AP1G1: variants seen among roughly 807,000 people sequenced by gnomAD.
AP1G1 encodes the protein adaptor related protein complex 1 subunit gamma 1.
Under a neutral mutation model 108.3 loss-of-function variants are expected in AP1G1, and 7 were observed. The ratio of observed to expected loss-of-function variants is 0.06; its 90% CI spans 0.04 to 0.12. AP1G1 has a LOEUF of 0.12. Ranked by LOEUF, AP1G1 falls within the 10% of genes least tolerant of loss-of-function variation. The probability of loss-of-function intolerance (pLI) is 1.00; values close to 1 mark genes in which losing one functional copy is unlikely to be tolerated. For synonymous variants in AP1G1, 379 were observed against 353.5 expected (o/e 1.07, Z -0.81); for missense variants, 756 against 1,010.7 (o/e 0.75, Z 3.42).
At chr16:71,743,605 A>AT (rs2029988456) in intron 19 of AP1G1, 1 of 66,424 alleles carries the variant, frequency 1.5e-5, no homozygotes, top group African/African-American at 4.6e-5. Context: ...TCTGTCTCAA[A>AT]AAAAAAAAAA....
intron 2 of AP1G1, among the ~76,000 whole-genome samples, chr16:71,779,995 GTT>G (rs573581952): frequency 5.4e-5 from 7 of 129,612 alleles, no homozygotes; most frequent in Non-Finnish European, 6.6e-5. Context: ...GTTTTTTTTT[GTT>G]TTTTTTTTTT....
At chr16:71,759,019 G>C (rs2030944329) in intron 10 of AP1G1, 98 bp from the exon 11 acceptor site, 1 of 672,172 alleles carries the variant, frequency 1.5e-6, no homozygotes. Context: ...TAATGGATAA[G>C]AGAAAGCATA....
At chr16:71,802,942 C>T (rs141861207) in intron 1 of AP1G1, among the ~76,000 whole-genome samples, 2 of 152,102 alleles carry the variant, frequency 1.3e-5, no homozygotes, top group East Asian at 1.9e-4. Context: ...TAGCCAGGCT[C>T]GGTGGCTCAC....
At chr16:71,761,445 G>A in intron 10 of AP1G1, 67 bp downstream of exon 10, 1 of 1,117,880 alleles carries the variant, frequency 8.9e-7, no homozygotes, top group Non-Finnish European at 1.4e-6. Context: ...ATGATCTTGA[G>A]CAGAATCGCT....
At chr16:71,751,484 A>C (rs1367974875) in intron 13 of AP1G1, 1 of 151,914 alleles carries the variant, frequency 6.6e-6, no homozygotes, top group African/African-American at 2.4e-5. Flanking sequence ...AAAAAAAAAA[A>C]AACAGCCAGG....
rs541877858 is a variant in AP1G1, at chr16:71,800,228, G to A, written c.-4+8535C>T. Among the ~76,000 whole-genome samples, 18 of 150,618 alleles carry A rather than the reference G, an allele frequency of 1.2e-4. No individual in the cohort carries two copies. The East Asian group carries it at 2.6e-3, about 22-fold the overall frequency. On this transcript the variant is annotated intron_variant, in intron 1 of 22. Transcript: ENST00000299980. ...AAAAAAAAATACAAAAAAATTAGCC[G>A]GGTGTGGTGGTGGGCGCCTGTAGTC...
chr16:71,794,383 G>A (rs1004698416), intron 1 of AP1G1, among the ~76,000 whole-genome samples: 1 of 151,754 alleles, frequency 6.6e-6, no homozygotes, highest in African/African-American at 2.4e-5. Flanking sequence ...TCTTTGTCCT[G>A]TTTTTTTAAA....
chr16:71,778,536 A>G (rs558890440), intron 2 of AP1G1, among the ~76,000 whole-genome samples: 178 of 152,220 alleles, frequency 1.2e-3, no homozygotes, highest in Middle Eastern at 3.4e-3. Flanking sequence ...ACAAAAAATT[A>G]GCCAGGCGTA....
At chr16:71,771,532 AT>A (rs1172441147) in intron 4 of AP1G1, among the ~76,000 whole-genome samples, 1 of 152,168 alleles carries the variant, frequency 6.6e-6, no homozygotes, top group Non-Finnish European at 1.5e-5. Context: ...TTTAAAAAAA[AT>A]TAAGAGGAGA....
intron 9 of AP1G1, among the ~76,000 whole-genome samples, chr16:71,762,962 A>T (rs979243657): frequency 4.6e-5 from 7 of 152,282 alleles, no homozygotes; most frequent in Admixed American, 3.9e-4. Flanking sequence ...GGGATGTGAC[A>T]CCTTATCTCC....
At chr16:71,798,488 T>G (rs55864860) in intron 1 of AP1G1, among the ~76,000 whole-genome samples, 1 of 151,646 alleles carries the variant, frequency 6.6e-6, no homozygotes, top group Non-Finnish European at 1.5e-5. Context: ...CATGAGCCAC[T>G]GCACCCAGCT....
intron 1 of AP1G1, among the ~76,000 whole-genome samples, chr16:71,793,620 C>G (rs2032479755): frequency 6.6e-6 from 1 of 152,186 alleles, no homozygotes; most frequent in Non-Finnish European, 1.5e-5. Context: ...AAGTAGCCAA[C>G]TCCCACTAAG....
At chr16:71,808,609 G>A (rs974289744) in intron 1 of AP1G1, 154 bp downstream of exon 1, 64 of 1,289,468 alleles carry the variant, frequency 5.0e-5, no homozygotes, top group Middle Eastern at 2.1e-4. Flanking sequence ...TGGGGCTCCC[G>A]GCCTCTCCTG....
At chr16:71,768,034 A>G in intron 6 of AP1G1, 2 of 781,768 alleles carry the variant, frequency 2.6e-6, no homozygotes, top group South Asian at 1.7e-5. Context: ...AACTCCTGTT[A>G]GAGCCTTACT....
intron 7 of AP1G1, 22 bp from the exon 8 acceptor site, chr16:71,764,748 G>GC: frequency 6.6e-7 from 1 of 1,510,728 alleles, no homozygotes; most frequent in South Asian, 1.2e-5. Context: ...AAGATGAGAG[G>GC]TGTCAACAAA....
intron 2 of AP1G1, among the ~76,000 whole-genome samples, chr16:71,779,985 GT>G (rs1046891832): frequency 3.7e-4 from 52 of 139,482 alleles, no homozygotes; most frequent in Non-Finnish European, 5.6e-4. Flanking sequence ...TTTTGTTTCA[GT>G]TTTTTTTTGT....
chr16:71,808,688 G>T (rs1404169083), intron 1 of AP1G1, 75 bp downstream of exon 1: 1 of 1,286,366 alleles, frequency 7.8e-7, no homozygotes, highest in East Asian at 5.6e-5. Context: ...CTGAAAGGAA[G>T]CTTCCGGTCG....
At chr16:71,799,025 A>G (rs1235610588) in intron 1 of AP1G1, among the ~76,000 whole-genome samples, 1 of 152,222 alleles carries the variant, frequency 6.6e-6, no homozygotes, top group Non-Finnish European at 1.5e-5. Flanking sequence ...TGAGCAGACA[A>G]TTCTCGGTAA....
intron 2 of AP1G1, among the ~76,000 whole-genome samples, chr16:71,775,885 T>C (rs1027499005): frequency 6.6e-6 from 1 of 152,176 alleles, no homozygotes; most frequent in Non-Finnish European, 1.5e-5. Flanking sequence ...GGCTTAAGAG[T>C]TCTTGTAAAT....
Sources: gnomAD v4.1 joint callset for allele counts (sites outside exome capture counted in the v4.1 genomes callset) on GRCh38, gnomAD v4.1.1 for gene constraint, MANE v1.5 for transcripts, NCBI Gene and HGNC (gene_info 2026-07-23, HGNC 2026-07-21) for gene names.